TRIM2: variants seen among roughly 807,000 people sequenced by gnomAD.
The protein encoded by TRIM2 is tripartite motif-containing protein 2.
Under a neutral mutation model 75.2 loss-of-function variants are expected in TRIM2, and 20 were observed. The ratio of observed to expected loss-of-function variants is 0.27; its 90% CI spans 0.19 to 0.39. TRIM2 has a LOEUF of 0.39. Ranked by LOEUF, TRIM2 falls within the 10% of genes least tolerant of loss-of-function variation. The pLI is 1.00. For synonymous variants in TRIM2, 373 were observed against 388.3 expected (o/e 0.96, Z 0.46); for missense variants, 660 against 990.8 (o/e 0.67, Z 4.48).
Position 153,324,066 on chromosome 4 carries a change from T to C in TRIM2, c.1952-12T>C, listed in dbSNP as rs751891772. On this transcript the variant is annotated splice_polypyrimidine_tract_variant and intron_variant, in intron 9 of 11. Coordinates refer to ENST00000338700, the MANE Select transcript of TRIM2 (RefSeq NM_015271.5). The stretch of plus-strand genomic sequence containing the variant: ...TGTAGTCATCACATATTTTTTTCCA[T>C]CTTTATTGCAGGTCCCCATTTTGCA... 2 of 1,610,606 alleles carry C rather than the reference T, an allele frequency of 1.2e-6. No individual in the cohort carries two copies. Among genetic ancestry groups the C allele is most frequent in the Non-Finnish European group, 1.7e-6 (2 of 1,178,414 alleles).
intron 1 of TRIM2, among the ~76,000 whole-genome samples, chr4:153,167,813 A>G (rs1321368479): frequency 1.3e-5 from 2 of 152,186 alleles, no homozygotes; most frequent in Non-Finnish European, 2.9e-5. Context: ...TTTAAAGGAC[A>G]CAGGCATGAG....
At chr4:153,195,767 T>C (rs1733703606) in intron 1 of TRIM2, among the ~76,000 whole-genome samples, 2 of 152,328 alleles carry the variant, frequency 1.3e-5, no homozygotes, top group East Asian at 1.9e-4. Context: ...TTTATTCTCT[T>C]AGTATTTCAC....
chr4:153,289,853 G>A (rs998708426), intron 3 of TRIM2, among the ~76,000 whole-genome samples: 3 of 152,174 alleles, frequency 2.0e-5, no homozygotes, highest in Non-Finnish European at 2.9e-5. Context: ...CACTGTTAAT[G>A]TGGCATATTC....
At chr4:153,171,840 C>CTTTTTTTTTTTTTTTTTTTTTTTT (rs398064151) in intron 1 of TRIM2, among the ~76,000 whole-genome samples, 1 of 114,804 alleles carries the variant, frequency 8.7e-6, no homozygotes, top group African/African-American at 3.5e-5. Context: ...CGTTTTGGGG[C>CTTTTTTTTTTTTTTTTTTTTTTTT]TTTTTTTTTT....
At chr4:153,203,394 T>TACACAC (rs35049904), upstream of TRIM2, among the ~76,000 whole-genome samples, 5,705 of 141,296 alleles carry the variant, frequency 0.04, 179 homozygotes, top group African/African-American at 0.085. Context: ...CCCACATCTC[T>TACACAC]ACACACACAC....
chr4:153,339,115 CTATT>C lies in TRIM2; in HGVS notation c.*4152_*4155del. The C allele has an allele frequency of 3.0e-6, 3 of 985,640 alleles. No homozygotes were observed. Among genetic ancestry groups the C allele is most frequent in the East Asian group, 1.1e-4 (1 of 8,814 alleles). 61.1% of individuals were successfully genotyped at this position (985,640 alleles called of 1,614,324 possible). ...TTTTATGAATCAAAATGTTGACTGC[CTATT>C]TAAAGAAAAGAATGAACGCTGTGCA... On this transcript the variant is annotated 3_prime_UTR_variant, in exon 12 of 12. Coordinates refer to ENST00000338700, the MANE Select transcript of TRIM2 (RefSeq NM_015271.5).
rs1561036323 is a variant in TRIM2 at position 153,335,209 on chromosome 4, A to G, written c.*243A>G. ...TAAAAACTGCAGTTTTACATCTGTG[A>G]ACTATGGCTTAAGGGACAGGATTTA... is the stretch of plus-strand genomic sequence containing the variant. On this transcript the variant is annotated 3_prime_UTR_variant, in exon 12 of 12. Transcript: ENST00000338700. 5 of 1,193,170 alleles carry G rather than the reference A, an allele frequency of 4.2e-6. No individual in the cohort carries two copies. The highest frequency in any genetic ancestry group is 5.2e-6 in the Non-Finnish European group (5 of 961,348). 73.9% of individuals were successfully genotyped at this position (1,193,170 alleles called of 1,614,324 possible).
At chr4:153,254,178 A>G (rs964816243) in intron 1 of TRIM2, among the ~76,000 whole-genome samples, 1 of 152,118 alleles carries the variant, frequency 6.6e-6, no homozygotes, top group East Asian at 1.9e-4. Context: ...TCTGGGATAA[A>G]TTTTCTTGAG....
At chr4:153,281,429 G>A (rs539025311) in intron 3 of TRIM2, among the ~76,000 whole-genome samples, 4 of 152,240 alleles carry the variant, frequency 2.6e-5, no homozygotes, top group Admixed American at 6.5e-5. Flanking sequence ...CAAATTAGCA[G>A]CATGTGCCTT....
intron 1 of TRIM2, among the ~76,000 whole-genome samples, chr4:153,210,358 C>T (rs1048752591): frequency 8.5e-5 from 13 of 152,110 alleles, no homozygotes. Context: ...ATCCACCGTG[C>T]CTGGGCTGGG....
At chr4:153,165,560 C>T (rs191302213) in intron 1 of TRIM2, among the ~76,000 whole-genome samples, 4 of 152,212 alleles carry the variant, frequency 2.6e-5, no homozygotes, top group East Asian at 1.9e-4. Flanking sequence ...CTCGAACTCC[C>T]GGGCTCAAGC....
chr4:153,272,885 G>A lies in TRIM2; in HGVS notation c.215+2366G>A, dbSNP rs995481613. On this transcript the variant is annotated intron_variant, in intron 2 of 11. Coordinates refer to ENST00000338700, the MANE Select transcript of TRIM2 (RefSeq NM_015271.5). ...AGACGGAGTCTTGCTCTGTCACCAG[G>A]CTGGAGTGCAGTGGCGCTATCTCGG... 1.9e-4 allele frequency among the ~76,000 whole-genome samples: 29 copies of A among 152,292 alleles called. 1 individual carries two copies. The highest frequency in any genetic ancestry group is 3.7e-4 in the Non-Finnish European group (25 of 68,028).
intron 6 of TRIM2, among the ~76,000 whole-genome samples, chr4:153,306,196 A>AG (rs1379409517): frequency 6.6e-6 from 1 of 151,928 alleles, no homozygotes; most frequent in Non-Finnish European, 1.5e-5. Context: ...CATATGACTT[A>AG]GGGGAAATTA....
intron 8 of TRIM2, among the ~76,000 whole-genome samples, chr4:153,319,782 T>C (rs1396290790): frequency 6.6e-6 from 1 of 151,992 alleles, no homozygotes; most frequent in Non-Finnish European, 1.5e-5. Context: ...CTGTTTAAGA[T>C]GGGGTTGACA....
At chr4:153,307,686 C>T (rs1359086249) in intron 6 of TRIM2, 3 of 507,584 alleles carry the variant, frequency 5.9e-6, no homozygotes, top group Admixed American at 2.7e-5. Context: ...GACTGCTAGT[C>T]ACAAGCGGGT....
At chr4:153,219,948 A>G (rs898455218) in intron 1 of TRIM2, among the ~76,000 whole-genome samples, 2 of 152,238 alleles carry the variant, frequency 1.3e-5, no homozygotes, top group Non-Finnish European at 2.9e-5. Flanking sequence ...CATTTAATAC[A>G]CATTTATTGT....
At chr4:153,206,972 T>C (rs973809493) in intron 1 of TRIM2, among the ~76,000 whole-genome samples, 1 of 152,082 alleles carries the variant, frequency 6.6e-6, no homozygotes, top group African/African-American at 2.4e-5. Context: ...CCTTGACCCC[T>C]TGGGCTCAAG....
chr4:153,297,324 A>T (rs1009898912), intron 6 of TRIM2, among the ~76,000 whole-genome samples: 2 of 152,184 alleles, frequency 1.3e-5, no homozygotes, highest in Non-Finnish European at 2.9e-5. Flanking sequence ...GCTTGGGTGG[A>T]TGCAGGACTG....
At chr4:153,204,845 G>A (rs940931194) in intron 1 of TRIM2, among the ~76,000 whole-genome samples, 1 of 152,206 alleles carries the variant, frequency 6.6e-6, no homozygotes, top group African/African-American at 2.4e-5. Context: ...TTCCAGTGAT[G>A]TTGTGAGACT....
Sources: gnomAD v4.1 joint callset for allele counts (sites outside exome capture counted in the v4.1 genomes callset) on GRCh38, gnomAD v4.1.1 for gene constraint, MANE v1.5 for transcripts, NCBI Gene and HGNC (gene_info 2026-07-23, HGNC 2026-07-21) for gene names.